Variants in H4C3 observed in about 807,000 individuals in gnomAD.
The protein encoded by H4C3 is histone H4.
H4C3 carries 10 observed loss-of-function variants against 5.3 expected under a neutral mutation model. The ratio of observed to expected loss-of-function variants is 1.87; its 90% CI spans 1.16 to 3.18. The LOEUF (loss-of-function observed/expected upper bound fraction) is 3.18. H4C3 is among the 30% of genes most tolerant of loss of function. The probability of loss-of-function intolerance (pLI) is 0.00; values close to 1 mark genes in which losing one functional copy is unlikely to be tolerated. For missense variants in H4C3, 191 were observed against 152.5 expected (o/e 1.25, Z -1.33); for synonymous variants, 133 against 56.8 (o/e 2.34, Z -6.03).
Position 26,104,146 on chromosome 6 carries a change from A to G in H4C3, c.199A>G (p.Ile67Val), listed in dbSNP as rs1402513336. The G allele has an allele frequency of 5.6e-6, 9 of 1,614,176 alleles. No homozygotes were observed. The highest frequency in any genetic ancestry group is 2.2e-5 in the East Asian group (1 of 44,886). ...GCTTAAGGTTTTCTTAGAGAACGTT[A>G]TTCGAGACGCCGTCACCTATACGGA... ...GVLKVFLENVIRDAVTYTEHA... is the reference protein window; with the variant it reads ...GVLKVFLENVVRDAVTYTEHA... Residue 67 changes from isoleucine (I) to valine (V), a missense_variant, in exon 1 of 1, where the codon ATT (isoleucine) becomes GTT (valine). Transcript: ENST00000377803.
Position 26,104,196 on chromosome 6 carries a change from A to G in H4C3, c.249A>G (p.Thr83=), listed in dbSNP as rs773040347. 1.2e-6 allele frequency: 2 copies of G among 1,614,168 alleles called. No individual in the cohort carries two copies. The highest frequency in any genetic ancestry group is 1.7e-5 in the Admixed American group (1 of 60,032). The change falls in exon 1 of 1, where the codon ACA becomes ACG. Residue 83 remains threonine, a synonymous_variant. Transcript: ENST00000377803. Reference sequence around the variant, plus strand: ...AGCACGCCAAGCGCAAAACTGTCACAGCCATGGATGTAGTATATGCCCTAA... The same window carrying G: ...AGCACGCCAAGCGCAAAACTGTCACGGCCATGGATGTAGTATATGCCCTAA... ...YTEHAKRKTV[T]AMDVVYALKR...
At position 26,104,137 on chromosome 6, in the gene H4C3, G is replaced by C; in HGVS notation, c.190G>C (p.Glu64Gln). 2 of 1,614,146 alleles carry C rather than the reference G, an allele frequency of 1.2e-6. No homozygotes were observed. Among genetic ancestry groups the C allele is most frequent in the Non-Finnish European group, 1.7e-6 (2 of 1,180,028 alleles). Residue 64 changes from glutamate to glutamine, a missense_variant, in exon 1 of 1, where the codon GAG becomes CAG. Physicochemically the swap from Glu to Gln is conservative, Grantham distance 29. Coordinates refer to ENST00000377803, the MANE Select transcript of H4C3 (RefSeq NM_003542.4). ...ETRGVLKVFL[E>Q]NVIRDAVTYT... Reference sequence around the variant, plus strand: ...TCGAGGTGTGCTTAAGGTTTTCTTAGAGAACGTTATTCGAGACGCCGTCAC... The same window carrying C: ...TCGAGGTGTGCTTAAGGTTTTCTTACAGAACGTTATTCGAGACGCCGTCAC...
rs73389440 is a variant in H4C3, at chr6:26,104,262, C to G, written c.*3C>G. On this transcript the variant is annotated 3_prime_UTR_variant, in exon 1 of 1. Transcript: ENST00000377803. ...CTCTGTATGGCTTCGGCGGCTGAAT[C>G]TAAGAATACGCGGTCTCCTGAGAAC... is the stretch of plus-strand genomic sequence containing the variant. The G allele has an allele frequency of 2.5e-6, 4 of 1,583,346 alleles. No homozygotes were observed. Among genetic ancestry groups the G allele is most frequent in the Admixed American group, 3.5e-5 (2 of 56,364 alleles).
Position 26,103,943 on chromosome 6 carries a change from G to T in H4C3, c.-5G>T, listed in dbSNP as rs200049708. ...CAGTTCATACCTTCCACTGCGATAG[G>T]AATCATGTCTGGTCGCGGCAAAGGC... On this transcript the variant is annotated 5_prime_UTR_variant, in exon 1 of 1. Coordinates refer to ENST00000377803, the MANE Select transcript of H4C3 (RefSeq NM_003542.4). 2.5e-6 allele frequency: 4 copies of T among 1,600,342 alleles called. No homozygotes were observed. The highest frequency in any genetic ancestry group is 2.2e-5 in the East Asian group (1 of 44,516).
chr6:26,104,257 T>G lies in H4C3; in HGVS notation c.310T>G (p.Ter104GlyextTer2). 1 of 1,585,386 alleles carries G rather than the reference T, an allele frequency of 6.3e-7. No individual in the cohort carries two copies. ...QGRTLYGFGG* is the reference protein window; with the variant it reads ...QGRTLYGFGGG Reference sequence around the variant, plus strand: ...GCGCACTCTGTATGGCTTCGGCGGCTGAATCTAAGAATACGCGGTCTCCTG... The same window carrying G: ...GCGCACTCTGTATGGCTTCGGCGGCGGAATCTAAGAATACGCGGTCTCCTG... The change falls in exon 1 of 1, where the codon TGA becomes GGA. Residue 104 changes from the stop codon to glycine, a stop_lost. Transcript: ENST00000377803.
Position 26,103,960 on chromosome 6 carries a change from G to T in H4C3, c.13G>T (p.Gly5Cys), listed in dbSNP as rs767679049. The part of the protein sequence containing the change: MSGR[G>C]KGGKGLGKGG... The stretch of plus-strand genomic sequence containing the variant: ...TGCGATAGGAATCATGTCTGGTCGC[G>T]GCAAAGGCGGAAAAGGCTTGGGGAA... The change falls in exon 1 of 1, where the codon GGC becomes TGC. Residue 5 changes from glycine to cysteine, a missense_variant. Gly to Cys is a radical substitution (Grantham distance 159). Coordinates refer to ENST00000377803, the MANE Select transcript of H4C3 (RefSeq NM_003542.4). The T allele has an allele frequency of 1.2e-6, 2 of 1,607,688 alleles. No homozygotes were observed. The highest frequency in any genetic ancestry group is 1.7e-6 in the Non-Finnish European group (2 of 1,174,972).
At position 26,104,328 on chromosome 6, in the gene H4C3, G is replaced by C; in HGVS notation, c.*69G>C. 1 of 1,398,100 alleles carries C rather than the reference G, an allele frequency of 7.2e-7. No individual in the cohort carries two copies. The highest frequency in any genetic ancestry group is 2.3e-5 in the East Asian group (1 of 42,846). The allele number at this position is 1,398,100 out of a possible 1,614,324, so 86.6% of individuals were successfully genotyped here. A position where few individuals can be genotyped will look rare whatever the true frequency, so the allele number is the denominator to read the frequency against. On this transcript the variant is annotated 3_prime_UTR_variant, in exon 1 of 1. Transcript: ENST00000377803. ...CAAAAAAACCCAAAGGCCCTTTTCAGGGCCGCTCACAAAGTCGTTTAAAGA... is the reference window on the plus strand; with the variant it reads ...CAAAAAAACCCAAAGGCCCTTTTCACGGCCGCTCACAAAGTCGTTTAAAGA...
Position 26,104,125 on chromosome 6 carries a change from A to T in H4C3, c.178A>T (p.Lys60Ter). 6.2e-7 allele frequency: 1 copy of T among 1,614,164 alleles called. No homozygotes were observed. The highest frequency in any genetic ancestry group is 2.2e-5 in the East Asian group (1 of 44,872). Residue 60 changes from lysine (K) to a stop codon, truncating the protein, a stop_gained, in exon 1 of 1, where the codon AAG becomes TAG. Transcript: ENST00000377803. LOFTEE classifies it high-confidence loss of function. The part of the protein sequence containing the change: ...LIYEETRGVL[K>*]VFLENVIRDA... ...CTATGAGGAGACTCGAGGTGTGCTT[A>T]AGGTTTTCTTAGAGAACGTTATTCG...
chr6:26,104,331 C>G lies in H4C3; in HGVS notation c.*72C>G. On this transcript the variant is annotated 3_prime_UTR_variant, in exon 1 of 1. Transcript: ENST00000377803. ...AAAAACCCAAAGGCCCTTTTCAGGG[C>G]CGCTCACAAAGTCGTTTAAAGAGCT... is the stretch of plus-strand genomic sequence containing the variant. 1 of 1,379,292 alleles carries G rather than the reference C, an allele frequency of 7.3e-7. No homozygotes were observed. The highest frequency in any genetic ancestry group is 9.8e-7 in the Non-Finnish European group (1 of 1,022,024). 85.4% of individuals were successfully genotyped at this position (1,379,292 alleles called of 1,614,324 possible). A position where few individuals can be genotyped will look rare whatever the true frequency, so the allele number is the denominator to read the frequency against.
Position 26,103,943 on chromosome 6 carries a change from G to A in H4C3, c.-5G>A, listed in dbSNP as rs200049708. On this transcript the variant is annotated 5_prime_UTR_variant, in exon 1 of 1. Transcript: ENST00000377803. ...CAGTTCATACCTTCCACTGCGATAG[G>A]AATCATGTCTGGTCGCGGCAAAGGC... is the stretch of plus-strand genomic sequence containing the variant. The A allele has an allele frequency of 2.0e-3, 3,228 of 1,600,440 alleles. 81 individuals carry two copies. In the South Asian group the frequency reaches 0.026, roughly 13 times the overall value.
In H4C3 at chr6:26,104,034, C is replaced by T. The variant is rs758409836; in HGVS notation, c.87C>T (p.Gly29=). 25 of 1,614,032 alleles carry T rather than the reference C, an allele frequency of 1.5e-5. No individual in the cohort carries two copies. The East Asian group carries it at 1.6e-4, about 10-fold the overall frequency. ...AGGTGCTCCGGGATAACATCCAGGG[C>T]ATTACAAAACCGGCTATTCGCCGTT... ...HRKVLRDNIQ[G]ITKPAIRRLA... The change falls in exon 1 of 1, where the codon GGC becomes GGT. Residue 29 remains glycine, a synonymous_variant. Transcript: ENST00000377803.
chr6:26,104,112 T>G lies in H4C3; in HGVS notation c.165T>G (p.Thr55=), dbSNP rs1326871754. 9 of 1,614,132 alleles carry G rather than the reference T, an allele frequency of 5.6e-6. No individual in the cohort carries two copies. Among genetic ancestry groups the G allele is most frequent in the Admixed American group, 1.7e-5 (1 of 60,020 alleles). The stretch of plus-strand genomic sequence containing the variant: ...TTTCCGGTCTTATCTATGAGGAGAC[T>G]CGAGGTGTGCTTAAGGTTTTCTTAG... The part of the protein sequence containing the change: ...KRISGLIYEE[T]RGVLKVFLEN... Residue 55 remains threonine, a synonymous_variant, in exon 1 of 1, where the codon ACT becomes ACG. Coordinates refer to ENST00000377803, the MANE Select transcript of H4C3 (RefSeq NM_003542.4).
chr6:26,104,084 G>T lies in H4C3; in HGVS notation c.137G>T (p.Arg46Leu). 1 of 1,614,080 alleles carries T rather than the reference G, an allele frequency of 6.2e-7. No individual in the cohort carries two copies. Residue 46 changes from arginine (R) to leucine (L), a missense_variant, in exon 1 of 1, where the codon CGC becomes CTC. Transcript: ENST00000377803. Reference protein sequence around the residue: ...RRLARRGGVKRISGLIYEETR... With the variant: ...RRLARRGGVKLISGLIYEETR... The stretch of plus-strand genomic sequence containing the variant: ...TTGGCTCGGCGCGGTGGCGTCAAGC[G>T]CATTTCCGGTCTTATCTATGAGGAG...
rs560544580 is a variant in H4C3 at position 26,104,310 on chromosome 6, A to G, written c.*51A>G. On this transcript the variant is annotated 3_prime_UTR_variant, in exon 1 of 1. Coordinates refer to ENST00000377803, the MANE Select transcript of H4C3 (RefSeq NM_003542.4). ...AACTTCAAAAAACAAAAACAAAAAA[A>G]CCCAAAGGCCCTTTTCAGGGCCGCT... The G allele has an allele frequency of 6.0e-6, 9 of 1,500,046 alleles. No homozygotes were observed. The East Asian group carries it at 6.9e-5, about 11-fold the overall frequency. 92.9% of individuals were successfully genotyped at this position (1,500,046 alleles called of 1,614,324 possible).
Position 26,104,227 on chromosome 6 carries a change from CAG to C in H4C3, c.281_282del (p.Gln94ArgfsTer?), listed in dbSNP as rs763485719. ...AMDVVYALKR[Q>X]GRTLYGFGG ...GGATGTAGTATATGCCCTAAAACGT[CAG>C]GGGCGCACTCTGTATGGCTTCGGCG... On this transcript the variant is annotated frameshift_variant, in exon 1 of 1. Transcript: ENST00000377803. LOFTEE classifies it high-confidence loss of function. The C allele has an allele frequency of 6.0e-5, 97 of 1,607,940 alleles. No individual in the cohort carries two copies. In the Middle Eastern group the frequency reaches 1.3e-3, roughly 22 times the overall value.
In H4C3 at chr6:26,103,970, G is replaced by GA. The variant is rs1408240187; in HGVS notation, c.27dup (p.Gly10ArgfsTer8). Reference sequence around the variant, plus strand: ...ATCATGTCTGGTCGCGGCAAAGGCGGAAAAGGCTTGGGGAAGGGTGGTGCT... The same window carrying GA: ...ATCATGTCTGGTCGCGGCAAAGGCGGAAAAAGGCTTGGGGAAGGGTGGTGCT... On this transcript the variant is annotated frameshift_variant, in exon 1 of 1. Coordinates refer to ENST00000377803, the MANE Select transcript of H4C3 (RefSeq NM_003542.4). LOFTEE classifies it high-confidence loss of function. 2 of 1,609,328 alleles carry GA rather than the reference G, an allele frequency of 1.2e-6. No homozygotes were observed. Among genetic ancestry groups the GA allele is most frequent in the African/African-American group, 2.7e-5 (2 of 74,838 alleles).
chr6:26,104,092 G>T lies in H4C3; in HGVS notation c.145G>T (p.Gly49Cys). ...GCGCGGTGGCGTCAAGCGCATTTCC[G>T]GTCTTATCTATGAGGAGACTCGAGG... is the stretch of plus-strand genomic sequence containing the variant. ...ARRGGVKRISGLIYEETRGVL... is the reference protein window; with the variant it reads ...ARRGGVKRISCLIYEETRGVL... Residue 49 changes from glycine (G) to cysteine (C), a missense_variant, in exon 1 of 1, where the codon GGT becomes TGT. Transcript: ENST00000377803. The T allele has an allele frequency of 6.2e-7, 1 of 1,614,026 alleles. No homozygotes were observed. The highest frequency in any genetic ancestry group is 8.5e-7 in the Non-Finnish European group (1 of 1,180,002).
In H4C3 at chr6:26,104,181, G is replaced by A. The variant is rs1183987517; in HGVS notation, c.234G>A (p.Lys78=). 5 of 1,614,040 alleles carry A rather than the reference G, an allele frequency of 3.1e-6. No homozygotes were observed. The highest frequency in any genetic ancestry group is 2.2e-5 in the South Asian group (2 of 91,088). ...RDAVTYTEHA[K]RKTVTAMDVV... is the part of the protein sequence containing the mutation. ...CCGTCACCTATACGGAGCACGCCAAGCGCAAAACTGTCACAGCCATGGATG... is the reference window on the plus strand; with the variant it reads ...CCGTCACCTATACGGAGCACGCCAAACGCAAAACTGTCACAGCCATGGATG... The change falls in exon 1 of 1, where the codon AAG becomes AAA. Residue 78 remains lysine (K), a synonymous_variant. Coordinates refer to ENST00000377803, the MANE Select transcript of H4C3 (RefSeq NM_003542.4).
At position 26,104,189 on chromosome 6, in the gene H4C3, C is replaced by T. The variant is rs748976885; in HGVS notation, c.242C>T (p.Thr81Ile). The change falls in exon 1 of 1, where the codon ACT (threonine) becomes ATT (isoleucine). Residue 81 changes from threonine to isoleucine, a missense_variant. Coordinates refer to ENST00000377803, the MANE Select transcript of H4C3 (RefSeq NM_003542.4). ...VTYTEHAKRK[T>I]VTAMDVVYAL... ...TATACGGAGCACGCCAAGCGCAAAA[C>T]TGTCACAGCCATGGATGTAGTATAT... 1 of 1,614,180 alleles carries T rather than the reference C, an allele frequency of 6.2e-7. No homozygotes were observed. The highest frequency in any genetic ancestry group is 8.5e-7 in the Non-Finnish European group (1 of 1,180,028).
Sources: gnomAD v4.1 joint callset for allele counts on GRCh38, gnomAD v4.1.1 for gene constraint, MANE v1.5 for transcripts, NCBI Gene and HGNC (gene_info 2026-07-23, HGNC 2026-07-21) for gene names.